N4BP2L2: variants seen among roughly 807,000 people sequenced by gnomAD.
The protein encoded by N4BP2L2 is NEDD4-binding protein 2-like 2.
A neutral mutation model predicts 56.2 loss-of-function variants in N4BP2L2; 50 were observed. That is an observed-to-expected ratio of 0.89 (90% confidence interval 0.71 to 1.13). N4BP2L2 has a LOEUF of 1.13. Among genes scored for constraint, N4BP2L2 ranks in the 50% most tolerant of loss-of-function variants. The pLI is 0.00. For synonymous variants in N4BP2L2, 203 were observed against 223.6 expected (o/e 0.91, Z 0.82); for missense variants, 689 against 693.8 (o/e 0.99, Z 0.08).
rs539806073 is a variant in N4BP2L2 at position 32,483,870 on chromosome 13, G to T, written c.365+33987C>A. On this transcript the variant is annotated intron_variant, in intron 6 of 9. Transcript: ENST00000357505. ...TAGTGGTGCACGCCTGTTAATTCCAGCTACTCGGGAGGCTAAGGCAGGAGA... is the reference window on the plus strand; with the variant it reads ...TAGTGGTGCACGCCTGTTAATTCCATCTACTCGGGAGGCTAAGGCAGGAGA... Among the ~76,000 whole-genome samples the T allele has an allele frequency of 8.6e-4, 130 of 151,686 alleles. 2 individuals are homozygous for T. Among genetic ancestry groups the T allele is most frequent in the Admixed American group, 2.2e-3 (33 of 15,212 alleles).
chr13:32,474,027 T>G (rs1027847620), intron 6 of N4BP2L2, among the ~76,000 whole-genome samples: 1 of 152,232 alleles, frequency 6.6e-6, no homozygotes, highest in Non-Finnish European at 1.5e-5. Context: ...TGAATTATTA[T>G]AGAATTTTTG....
At chr13:32,536,933 G>C in exon 2 of N4BP2L2, 1 of 1,613,752 alleles carries the variant, frequency 6.2e-7, no homozygotes, top group Non-Finnish European at 8.5e-7. Flanking sequence ...AAAAACATAC[G>C]ACTCTGTGGT....
chr13:32,533,512 C>T (rs1463731712), intron 2 of N4BP2L2, among the ~76,000 whole-genome samples: 1 of 146,572 alleles, frequency 6.8e-6, no homozygotes, highest in East Asian at 2.0e-4. Context: ...ATAAGCATTA[C>T]TAATTTTTTT....
At chr13:32,507,670 T>A (rs1240103323), downstream of N4BP2L2, 2 of 152,084 alleles carry the variant, frequency 1.3e-5, no homozygotes, top group East Asian at 3.9e-4. Flanking sequence ...GACAAGCTTA[T>A]CATATCTGAA....
chr13:32,467,171 C>T (rs1055102651), intron 6 of N4BP2L2, among the ~76,000 whole-genome samples: 3 of 151,582 alleles, frequency 2.0e-5, no homozygotes, highest in Non-Finnish European at 2.9e-5. Flanking sequence ...CTAGAGATAA[C>T]GTGAAGATGA....
chr13:32,530,132 C>T (rs2054288876), intron 2 of N4BP2L2, among the ~76,000 whole-genome samples: 1 of 152,154 alleles, frequency 6.6e-6, no homozygotes, highest in South Asian at 2.1e-4. Context: ...GGGAGCAATA[C>T]ACCAATTTAT....
downstream of N4BP2L2, chr13:32,507,920 AG>A: frequency 6.6e-6 from 1 of 152,222 alleles, no homozygotes; most frequent in Non-Finnish European, 1.5e-5. Flanking sequence ...ACATAGGGAA[AG>A]CTAAGAGTAA....
intron 6 of N4BP2L2, chr13:32,478,727 C>G (rs2083904022): frequency 6.6e-6 from 1 of 152,244 alleles, no homozygotes; most frequent in South Asian, 2.1e-4. Flanking sequence ...TGAGAATTCT[C>G]TGTGTTGTGT....
intron 9 of N4BP2L2, chr13:32,433,017 A>G (rs1363334955): frequency 6.6e-6 from 1 of 152,224 alleles, no homozygotes; most frequent in Non-Finnish European, 1.5e-5. Context: ...AACATGTGAC[A>G]TGAACAGTTT....
chr13:32,451,645 G>A (rs893024777), intron 6 of N4BP2L2, among the ~76,000 whole-genome samples: 4 of 151,646 alleles, frequency 2.6e-5, no homozygotes, highest in Non-Finnish European at 4.4e-5. Flanking sequence ...AAGCTCAAGC[G>A]ATCCCCCTCA....
intron 3 of N4BP2L2, chr13:32,525,461 C>CTGTG (rs1176004757): frequency 4.6e-5 from 7 of 152,144 alleles, no homozygotes; most frequent in Non-Finnish European, 1.0e-4. Context: ...CAGCCAGGCA[C>CTGTG]TGTGGCTCAT....
At chr13:32,526,947 T>C (rs1387045741) in intron 3 of N4BP2L2, 1 of 151,036 alleles carries the variant, frequency 6.6e-6, no homozygotes, top group African/African-American at 2.4e-5. Flanking sequence ...AAAAAATGTA[T>C]TAAGTAGGTT....
intron 6 of N4BP2L2, among the ~76,000 whole-genome samples, chr13:32,454,361 G>T (rs1051254755): frequency 7.2e-5 from 11 of 152,096 alleles, no homozygotes; most frequent in Non-Finnish European, 1.0e-4. Context: ...TACAAAATTA[G>T]TGCAGAAAAG....
At chr13:32,518,793 G>A (rs1330788584) in intron 5 of N4BP2L2, among the ~76,000 whole-genome samples, 1 of 152,142 alleles carries the variant, frequency 6.6e-6, no homozygotes, top group Non-Finnish European at 1.5e-5. Context: ...ATAGCTAAAC[G>A]TGTGTTGATC....
intron 6 of N4BP2L2, chr13:32,480,480 A>G (rs989737727): frequency 2.0e-6 from 1 of 502,322 alleles, no homozygotes; most frequent in South Asian, 1.9e-5. Flanking sequence ...GTTGGACGGC[A>G]TCATATTTAA....
exon 6 of N4BP2L2, chr13:32,513,834 A>G (rs1020350882): frequency 4.6e-5 from 7 of 152,336 alleles, no homozygotes; most frequent in Admixed American, 3.9e-4. Flanking sequence ...AAACTTCAAT[A>G]AAGACTAGCA....
intron 7 of N4BP2L2, chr13:32,438,791 CCTAA>C: frequency 1.5e-6 from 2 of 1,368,102 alleles, no homozygotes; most frequent in South Asian, 1.3e-5. Context: ...AGATTTTTGC[CCTAA>C]CTGTGAAGAC....
intron 6 of N4BP2L2, among the ~76,000 whole-genome samples, chr13:32,483,561 C>T (rs1055254915): frequency 5.9e-5 from 9 of 152,084 alleles, no homozygotes; most frequent in Non-Finnish European, 8.8e-5. Context: ...GACTAACACA[C>T]GGTGAAAGAC....
At chr13:32,497,072 T>C (rs2088852033) in intron 6 of N4BP2L2, among the ~76,000 whole-genome samples, 1 of 152,186 alleles carries the variant, frequency 6.6e-6, no homozygotes. Flanking sequence ...AGGTCTCTTT[T>C]GGTCAAGAAA....
Sources: gnomAD v4.1 joint callset for allele counts (sites outside exome capture counted in the v4.1 genomes callset) on GRCh38, gnomAD v4.1.1 for gene constraint, MANE v1.5 for transcripts, NCBI Gene and HGNC (gene_info 2026-07-23, HGNC 2026-07-21) for gene names.